The following PTPRM variants were observed in gnomAD, a reference collection of about 807,000 sequenced individuals.
The protein encoded by PTPRM is receptor-type tyrosine-protein phosphatase mu.
Under a neutral mutation model 186.7 loss-of-function variants are expected in PTPRM, and 47 were observed. The observed-to-expected ratio is 0.25, with a 90% CI of 0.20 to 0.32. The LOEUF (loss-of-function observed/expected upper bound fraction) is 0.32. Ranked by LOEUF, PTPRM falls within the 10% of genes least tolerant of loss-of-function variation. The pLI is 1.00. For missense variants in PTPRM, 1,494 were observed against 1,865.0 expected, an observed-to-expected ratio of 0.80 and a Z score of 3.66; for synonymous variants, 668 against 674.9, an observed-to-expected ratio of 0.99 and a Z score of 0.16.
At chr18:8,023,603 A>G (rs1018841280) in intron 7 of PTPRM, among the ~76,000 whole-genome samples, 4 of 152,168 alleles carry the variant, frequency 2.6e-5, no homozygotes, top group Non-Finnish European at 4.4e-5. Flanking sequence ...AGAGTGTTCT[A>G]TTGTTCTTCC....
At chr18:7,990,273 C>G (rs1256792107) in intron 7 of PTPRM, among the ~76,000 whole-genome samples, 1 of 152,068 alleles carries the variant, frequency 6.6e-6, no homozygotes, top group Non-Finnish European at 1.5e-5. Flanking sequence ...CAAAATGCAC[C>G]AATGTCTTTG....
At chr18:8,209,989 TAAAAAAAAAA>T (rs67547673) in intron 14 of PTPRM, among the ~76,000 whole-genome samples, 10,182 of 78,860 alleles carry the variant, frequency 0.13, 500 homozygotes, top group Middle Eastern at 0.4. Flanking sequence ...GAAGTAAAAT[TAAAAAAAAAA>T]AAAAAAAAAA....
intron 1 of PTPRM, among the ~76,000 whole-genome samples, chr18:7,600,480 T>A (rs938470328): frequency 6.6e-6 from 1 of 152,228 alleles, no homozygotes; most frequent in Non-Finnish European, 1.5e-5. Context: ...GCACTGACTT[T>A]ACTTGCAAAT....
chr18:7,747,031 C>T (rs2041008923), intron 1 of PTPRM, among the ~76,000 whole-genome samples: 1 of 152,172 alleles, frequency 6.6e-6, no homozygotes, highest in Admixed American at 6.5e-5. Context: ...CCTCCTTTTC[C>T]CAGGGTGTTT....
chr18:8,154,727 A>G (rs187480657), intron 14 of PTPRM: 20 of 152,362 alleles, frequency 1.3e-4, no homozygotes, highest in Admixed American at 2.0e-4. Context: ...AGTACATGGA[A>G]TTATTTAACA....
intron 1 of PTPRM, among the ~76,000 whole-genome samples, chr18:7,637,234 A>G (rs557754411): frequency 6.6e-6 from 1 of 151,068 alleles, no homozygotes; most frequent in South Asian, 2.1e-4. Context: ...AAAATGTTGT[A>G]TATTGTCAAG....
At chr18:7,796,508 C>T (rs1338908375) in intron 2 of PTPRM, among the ~76,000 whole-genome samples, 3 of 152,212 alleles carry the variant, frequency 2.0e-5, no homozygotes, top group African/African-American at 7.2e-5. Context: ...TGAGAGCTCA[C>T]CTCACTCCAC....
At chr18:8,338,087 A>G (rs921015545) in intron 22 of PTPRM, among the ~76,000 whole-genome samples, 3 of 151,994 alleles carry the variant, frequency 2.0e-5, no homozygotes, top group Non-Finnish European at 4.4e-5. Flanking sequence ...GGAGGGGGAC[A>G]GAAATGGAGT....
intron 1 of PTPRM, among the ~76,000 whole-genome samples, chr18:7,583,579 ACTG>A (rs2036901220): frequency 6.6e-6 from 1 of 152,270 alleles, no homozygotes; most frequent in Non-Finnish European, 1.5e-5. Flanking sequence ...CAGTGTACTT[ACTG>A]CTATTTTACA....
intron 1 of PTPRM, among the ~76,000 whole-genome samples, chr18:7,713,831 C>G (rs2040264530): frequency 6.6e-6 from 1 of 152,022 alleles, no homozygotes. Context: ...GCTAACTATC[C>G]TAAATGTATA....
intron 2 of PTPRM, among the ~76,000 whole-genome samples, chr18:7,824,621 A>C (rs960470392): frequency 6.6e-6 from 1 of 152,180 alleles, no homozygotes; most frequent in Non-Finnish European, 1.5e-5. Flanking sequence ...TCAGCAAGGT[A>C]CATTTTTAAT....
rs6506547 is a variant in PTPRM at position 8,104,298 on chromosome 18, G to A, written c.1857-9188G>A. Among the ~76,000 whole-genome samples, 1,081 of 152,218 alleles carry A rather than the reference G, an allele frequency of 7.1e-3. 12 individuals are homozygous for A. Among genetic ancestry groups the A allele is most frequent in the African/African-American group, 0.025 (1,031 of 41,542 alleles). ...GGGTACGCCTTTATTAAGAAAATAC[G>A]TTACACCTTTGTTTCTATATTATGA... On this transcript the variant is annotated intron_variant, in intron 11 of 32. Coordinates refer to ENST00000580170, the MANE Select transcript of PTPRM (RefSeq NM_001105244.2).
intron 11 of PTPRM, among the ~76,000 whole-genome samples, chr18:8,112,789 C>T (rs1398300067): frequency 6.6e-6 from 1 of 152,146 alleles, no homozygotes; most frequent in Non-Finnish European, 1.5e-5. Context: ...GGCTGTCATC[C>T]TTGCAGGCGT....
intron 1 of PTPRM, among the ~76,000 whole-genome samples, chr18:7,678,893 A>G (rs1025868080): frequency 7.2e-5 from 11 of 152,174 alleles, no homozygotes; most frequent in African/African-American, 2.4e-4. Context: ...ATCTGTATGC[A>G]TGTATCCGTA....
chr18:8,038,700 A>G (rs1429264703), intron 7 of PTPRM, among the ~76,000 whole-genome samples: 2 of 152,242 alleles, frequency 1.3e-5, no homozygotes, highest in East Asian at 3.9e-4. Context: ...CCAGCTTTTT[A>G]GGTTTTTAAG....
intron 2 of PTPRM, among the ~76,000 whole-genome samples, chr18:7,826,494 G>A (rs1423503170): frequency 1.3e-5 from 2 of 152,152 alleles, no homozygotes; most frequent in Middle Eastern, 3.2e-3. Flanking sequence ...ATGTGAACTG[G>A]ACATAGAAAA....
At chr18:7,662,894 A>G (rs1161533028) in intron 1 of PTPRM, among the ~76,000 whole-genome samples, 1 of 152,202 alleles carries the variant, frequency 6.6e-6, no homozygotes, top group African/African-American at 2.4e-5. Context: ...TAAAAAAGAT[A>G]TATACATTTT....
At chr18:8,318,848 G>A (rs1461939034) in intron 21 of PTPRM, among the ~76,000 whole-genome samples, 1 of 152,230 alleles carries the variant, frequency 6.6e-6, no homozygotes, top group Non-Finnish European at 1.5e-5. Flanking sequence ...AAATTCTGTT[G>A]CAAATTCTCA....
chr18:8,135,314 A>G (rs1270370512), intron 13 of PTPRM, among the ~76,000 whole-genome samples: 2 of 152,206 alleles, frequency 1.3e-5, no homozygotes, highest in Non-Finnish European at 1.5e-5. Context: ...ATATTAGGAG[A>G]TGTTTTAAGG....
Sources: allele counts gnomAD v4.1 joint callset (sites outside exome capture counted in the v4.1 genomes callset), GRCh38; gene constraint gnomAD v4.1.1; transcripts MANE v1.5; gene names NCBI Gene and HGNC (gene_info 2026-07-23, HGNC 2026-07-21).